RGS8: variants seen among roughly 807,000 people sequenced by gnomAD.
The protein encoded by RGS8 is regulator of G-protein signaling 8.
In RGS8, 8 loss-of-function variants were observed where a neutral mutation model predicts 21.7. The observed-to-expected ratio is 0.37, with a 90% CI of 0.22 to 0.66. RGS8 has a LOEUF of 0.66. Ranked by LOEUF, RGS8 falls within the 30% of genes least tolerant of loss-of-function variation. The pLI is 0.59. For synonymous variants in RGS8, 80 were observed against 83.6 expected (o/e 0.96, Z 0.24); for missense variants, 157 against 217.9 (o/e 0.72, Z 1.76).
At position 182,662,113 on chromosome 1, in the gene RGS8, C is replaced by CCAATTTTGGATTCCAAAAA. The variant is rs558345251; in HGVS notation, c.193+3855_193+3856insTTTTTGGAATCCAAAATTG. ...ACAAATATAATTGGAAATAAAATGG[C>CCAATTTTGGATTCCAAAAA]TCCAAACATTTGCCCTCCAGATTTT... On this transcript the variant is annotated intron_variant, in intron 5 of 6. Coordinates refer to ENST00000483095, the Ensembl canonical transcript of RGS8. 4.9e-4 allele frequency among the ~76,000 whole-genome samples: 75 copies of CCAATTTTGGATTCCAAAAA among 152,254 alleles called. 1 individual carries two copies. The South Asian group carries it at 0.015, about 31-fold the overall frequency.
At chr1:182,671,098 C>T (rs1664135803) in intron 2 of RGS8, among the ~76,000 whole-genome samples, 1 of 152,190 alleles carries the variant, frequency 6.6e-6, no homozygotes, top group Non-Finnish European at 1.5e-5. Context: ...TCTGTCCCCG[C>T]CTTGTCTCTC....
exon 3 of RGS8, chr1:182,669,688 C>G (rs1664057320): frequency 6.2e-7 from 1 of 1,613,920 alleles, no homozygotes; most frequent in African/African-American, 1.3e-5. Flanking sequence ...GGCTGGTATG[C>G]AGGGACGTCA....
intron 1 of RGS8, among the ~76,000 whole-genome samples, chr1:182,678,085 T>C (rs966321106): frequency 6.6e-6 from 1 of 152,236 alleles, no homozygotes; most frequent in Admixed American, 6.5e-5. Flanking sequence ...TAAGACATTA[T>C]CGTTATTTTT....
chr1:182,657,811 A>G lies in RGS8; in HGVS notation c.193+8158T>C, dbSNP rs1663361836. Among the ~76,000 whole-genome samples, 5 of 152,230 alleles carry G rather than the reference A, an allele frequency of 3.3e-5. No homozygotes were observed. In the South Asian group the frequency reaches 1.0e-3, roughly 32 times the overall value. On this transcript the variant is annotated intron_variant, in intron 5 of 6. Coordinates refer to ENST00000483095, the Ensembl canonical transcript of RGS8. Reference sequence around the variant, plus strand: ...CCTGACACATAGACAGTGATTGTTCAATCCAGGTTAGTGACTATTATTCCT... The same window carrying G: ...CCTGACACATAGACAGTGATTGTTCGATCCAGGTTAGTGACTATTATTCCT...
the RGS8 span, among the ~76,000 whole-genome samples, chr1:182,747,700 AAGC>A: frequency 1.3e-5 from 2 of 152,304 alleles, no homozygotes; most frequent in Non-Finnish European, 2.9e-5. Flanking sequence ...GCAGAAAAGA[AAGC>A]AACATTGAAA....
the RGS8 span, among the ~76,000 whole-genome samples, chr1:182,733,057 A>G: frequency 1.3e-5 from 2 of 152,252 alleles, no homozygotes; most frequent in Non-Finnish European, 2.9e-5. Flanking sequence ...AAGCAAGTGC[A>G]TCTCATGGTT....
At chr1:182,715,685 G>A in the RGS8 span, among the ~76,000 whole-genome samples, 1 of 152,130 alleles carries the variant, frequency 6.6e-6, no homozygotes, top group Admixed American at 6.5e-5. Flanking sequence ...TGGAACATCT[G>A]ACTTAGACCA....
At chr1:182,695,096 G>GT in the RGS8 span, among the ~76,000 whole-genome samples, 2 of 152,160 alleles carry the variant, frequency 1.3e-5, no homozygotes. Flanking sequence ...GGAATCACTG[G>GT]CTACATCATT....
At chr1:182,701,229 A>T in the RGS8 span, among the ~76,000 whole-genome samples, 1 of 152,238 alleles carries the variant, frequency 6.6e-6, no homozygotes, top group African/African-American at 2.4e-5. Flanking sequence ...GACATCATAA[A>T]TCAGCATTTT....
downstream of RGS8, chr1:182,642,896 A>G (rs1253644622): frequency 2.1e-5 from 3 of 141,748 alleles, no homozygotes; most frequent in Non-Finnish European, 3.1e-5. Context: ...TGTTACTACT[A>G]TTATTATTAC....
the RGS8 span, among the ~76,000 whole-genome samples, chr1:182,703,502 T>C: frequency 6.6e-6 from 1 of 152,344 alleles, no homozygotes; most frequent in African/African-American, 2.4e-5. Flanking sequence ...TTTTTGTGTC[T>C]TCAATTCACC....
intron 5 of RGS8, among the ~76,000 whole-genome samples, chr1:182,653,624 G>C (rs559100537): frequency 4.7e-4 from 72 of 152,198 alleles, no homozygotes; most frequent in Non-Finnish European, 8.1e-4. Context: ...AATCTGGGAG[G>C]TGGAGGTTGC....
intron 5 of RGS8, 80 bp downstream of exon 6, chr1:182,665,889 T>C (rs1047906377): frequency 2.7e-5 from 35 of 1,277,504 alleles, no homozygotes; most frequent in Non-Finnish European, 3.4e-5. Flanking sequence ...CATACCTGCC[T>C]GGATCATCAC....
chr1:182,693,493 G>A, the RGS8 span, among the ~76,000 whole-genome samples: 1 of 152,210 alleles, frequency 6.6e-6, no homozygotes, highest in African/African-American at 2.4e-5. Context: ...ACATTGTGGA[G>A]AAAAGGGAAC....
At chr1:182,677,426 C>T (rs1446400659), upstream of RGS8, among the ~76,000 whole-genome samples, 1 of 152,102 alleles carries the variant, frequency 6.6e-6, no homozygotes, top group Non-Finnish European at 1.5e-5. Context: ...ATTAAATTTC[C>T]TACTACTTCC....
intron 5 of RGS8, among the ~76,000 whole-genome samples, chr1:182,663,293 T>G (rs1445932784): frequency 6.6e-6 from 1 of 152,230 alleles, no homozygotes; most frequent in African/African-American, 2.4e-5. Flanking sequence ...CTGGGCTGAC[T>G]GCTCCATAGC....
the RGS8 span, among the ~76,000 whole-genome samples, chr1:182,701,729 A>G: frequency 1.3e-5 from 2 of 152,340 alleles, no homozygotes; most frequent in African/African-American, 4.8e-5. Context: ...TTAGTGGCCC[A>G]GTCAATCTTT....
chr1:182,648,013 C>T (rs950217968), intron 6 of RGS8, 124 bp downstream of exon 7: 45 of 813,538 alleles, frequency 5.5e-5, no homozygotes, highest in Non-Finnish European at 7.1e-5. Context: ...CAAGGGCCAC[C>T]AGAGTGATGA....
rs781288877 is a variant in RGS8, at chr1:182,666,051, T to A, written c.129-18A>T. ...ATAATCTCCTAGAAAAAAAGAAACA[T>A]CTGTCTTGAATGTTTCTGAAATAAC... On this transcript the variant is annotated intron_variant, in intron 4 of 6. Coordinates refer to ENST00000483095, the Ensembl canonical transcript of RGS8. The A allele has an allele frequency of 1.9e-6, 3 of 1,611,006 alleles. No individual in the cohort carries two copies. The South Asian group carries it at 3.3e-5, about 18-fold the overall frequency.
Sources: gnomAD v4.1 joint callset for allele counts (sites outside exome capture counted in the v4.1 genomes callset) on GRCh38, gnomAD v4.1.1 for gene constraint, MANE v1.5 for transcripts, NCBI Gene and HGNC (gene_info 2026-07-23, HGNC 2026-07-21) for gene names.